The following FOXN2 variants were observed in gnomAD, a reference collection of about 807,000 sequenced individuals.
The protein encoded by FOXN2 is forkhead box protein N2.
FOXN2 carries 19 observed loss-of-function variants against 41.2 expected under a neutral mutation model. The ratio of observed to expected loss-of-function variants is 0.46; its 90% CI spans 0.32 to 0.68. FOXN2 has a LOEUF of 0.68. FOXN2 is among the 30% of genes least tolerant of loss of function. The probability of loss-of-function intolerance (pLI) is 0.03; values close to 1 mark genes in which losing one functional copy is unlikely to be tolerated. For missense variants in FOXN2, 587 were observed against 509.4 expected (o/e 1.15, Z -1.47); for synonymous variants, 195 against 176.8 (o/e 1.10, Z -0.82).
chr2:48,335,202 C>A (rs549701969), intron 2 of FOXN2, among the ~76,000 whole-genome samples: 56 of 152,100 alleles, frequency 3.7e-4, no homozygotes, highest in African/African-American at 1.2e-3. Flanking sequence ...AAAACAAATA[C>A]GTTTAATATG....
At chr2:48,357,583 C>T (rs769950021) in intron 3 of FOXN2, among the ~76,000 whole-genome samples, 11 of 151,318 alleles carry the variant, frequency 7.3e-5, no homozygotes, top group Non-Finnish European at 1.0e-4. Context: ...ACTATAGGCG[C>T]GCACCACCAC....
chr2:48,344,780 T>C (rs1480791250), intron 2 of FOXN2, among the ~76,000 whole-genome samples: 1 of 152,004 alleles, frequency 6.6e-6, no homozygotes, highest in East Asian at 1.9e-4. Flanking sequence ...AATTAGCCGG[T>C]TTTCAGAATT....
At chr2:48,321,394 G>T (rs2104089668) in intron 1 of FOXN2, among the ~76,000 whole-genome samples, 1 of 152,228 alleles carries the variant, frequency 6.6e-6, no homozygotes, top group East Asian at 1.9e-4. Flanking sequence ...AAATTAGGCG[G>T]GCGTGGTGGC....
At chr2:48,337,965 A>G (rs1670476714) in intron 2 of FOXN2, among the ~76,000 whole-genome samples, 2 of 152,194 alleles carry the variant, frequency 1.3e-5, no homozygotes, top group Admixed American at 1.3e-4. Context: ...GAAAATTTAA[A>G]CAGTGCGATT....
At chr2:48,314,447 C>G (rs947695336), upstream of FOXN2, among the ~76,000 whole-genome samples, 2 of 152,242 alleles carry the variant, frequency 1.3e-5, no homozygotes, top group African/African-American at 4.8e-5. Flanking sequence ...TGCATTTCAC[C>G]CCCACCCCAG....
chr2:48,328,107 C>G (rs985325690), intron 1 of FOXN2, among the ~76,000 whole-genome samples: 2 of 152,216 alleles, frequency 1.3e-5, no homozygotes, highest in East Asian at 1.9e-4. Context: ...ATATTCAAGG[C>G]ATTGAAATAT....
In FOXN2 at chr2:48,375,382, C is replaced by T; in HGVS notation, c.1235C>T (p.Thr412Ile). Reference sequence around the variant, plus strand: ...CTGCTCCACCTTGCTGGAATTCGTACATGTTTAGGTTCCCTAATAAGTACT... The same window carrying T: ...CTGCTCCACCTTGCTGGAATTCGTATATGTTTAGGTTCCCTAATAAGTACT... ...GSLLHLAGIR[T>I]CLGSLISTAK... The change falls in exon 7 of 7, where the codon ACA becomes ATA. Residue 412 changes from threonine to isoleucine, a missense_variant. Physicochemically the swap from Thr to Ile is moderately conservative, Grantham distance 89. Coordinates refer to ENST00000340553, the MANE Select transcript of FOXN2 (RefSeq NM_002158.4). 1.9e-6 allele frequency: 3 copies of T among 1,613,550 alleles called. No homozygotes were observed. The highest frequency in any genetic ancestry group is 2.5e-6 in the Non-Finnish European group (3 of 1,179,792).
At chr2:48,350,163 G>C (rs1671362297) in intron 3 of FOXN2, among the ~76,000 whole-genome samples, 1 of 152,164 alleles carries the variant, frequency 6.6e-6, no homozygotes, top group East Asian at 1.9e-4. Flanking sequence ...GCTAGTGGTT[G>C]GCATATTGAA....
chr2:48,321,910 A>G (rs763980757), intron 1 of FOXN2, among the ~76,000 whole-genome samples: 13 of 152,192 alleles, frequency 8.5e-5, no homozygotes, highest in Non-Finnish European at 1.5e-4. Flanking sequence ...CTGAGATAGA[A>G]CTGTAAGCAA....
chr2:48,370,739 T>G (rs977297665), intron 5 of FOXN2, among the ~76,000 whole-genome samples: 1 of 152,202 alleles, frequency 6.6e-6, no homozygotes, highest in Non-Finnish European at 1.5e-5. Flanking sequence ...GCATATATTT[T>G]ATTCATTCTG....
chr2:48,319,907 T>C (rs1669185004), intron 1 of FOXN2, among the ~76,000 whole-genome samples: 1 of 151,058 alleles, frequency 6.6e-6, no homozygotes, highest in African/African-American at 2.4e-5. Context: ...GCTGGGATTT[T>C]AGGCATGAGC....
intron 1 of FOXN2, among the ~76,000 whole-genome samples, chr2:48,327,086 C>T (rs879584288): frequency 3.9e-5 from 6 of 152,154 alleles, no homozygotes; most frequent in Admixed American, 3.9e-4. Flanking sequence ...AATTTATCTC[C>T]AGACCAGACC....
At chr2:48,334,134 G>GA (rs1002983565) in intron 2 of FOXN2, among the ~76,000 whole-genome samples, 247 of 150,936 alleles carry the variant, frequency 1.6e-3, no homozygotes, top group African/African-American at 2.9e-3. Flanking sequence ...CTCTTTTAAA[G>GA]AAAAAAAAAT....
At chr2:48,373,238 G>T in intron 5 of FOXN2, 54 bp from the exon 6 acceptor site, 1 of 1,286,460 alleles carries the variant, frequency 7.8e-7, no homozygotes, top group South Asian at 1.3e-5. Context: ...CAAATACTTA[G>T]AATAGCCTCT....
intron 2 of FOXN2, among the ~76,000 whole-genome samples, chr2:48,345,848 C>T (rs1248456532): frequency 1.3e-5 from 2 of 152,004 alleles, no homozygotes; most frequent in African/African-American, 4.8e-5. Flanking sequence ...TCTTATAGTT[C>T]AAAGAAATAG....
At chr2:48,315,099 G>T (rs866193201) in intron 1 of FOXN2, among the ~76,000 whole-genome samples, 16 of 152,010 alleles carry the variant, frequency 1.1e-4, no homozygotes, top group African/African-American at 2.9e-4. Flanking sequence ...GGTAATGACC[G>T]CCCGGGAGGG....
chr2:48,319,576 T>C (rs1669151897), intron 1 of FOXN2, among the ~76,000 whole-genome samples: 1 of 151,730 alleles, frequency 6.6e-6, no homozygotes, highest in Non-Finnish European at 1.5e-5. Context: ...ACACTTTAAA[T>C]TGTATAGCCC....
chr2:48,373,342 G>T lies in FOXN2; in HGVS notation c.754G>T (p.Glu252Ter). 6.3e-7 allele frequency: 1 copy of T among 1,580,184 alleles called. No homozygotes were observed. The highest frequency in any genetic ancestry group is 8.6e-7 in the Non-Finnish European group (1 of 1,166,936). Residue 252 changes from glutamate (E) to a stop codon, truncating the protein, a stop_gained, in exon 6 of 7, where the codon GAA becomes TAA. Transcript: ENST00000340553. LOFTEE classifies it high-confidence loss of function. The part of the protein sequence containing the change: ...AAMMLLNTSI[E>*]QGILECEKPL... ...AATGATGCTTTTAAATACTTCTATAGAACAAGGAATTTTAGAATGTAAGTA... is the reference window on the plus strand; with the variant it reads ...AATGATGCTTTTAAATACTTCTATATAACAAGGAATTTTAGAATGTAAGTA...
At chr2:48,359,443 A>G (rs1243385408) in intron 4 of FOXN2, among the ~76,000 whole-genome samples, 1 of 151,478 alleles carries the variant, frequency 6.6e-6, no homozygotes, top group Non-Finnish European at 1.5e-5. Flanking sequence ...ACAGGCAAGC[A>G]CCACCACTCC....
Sources: gnomAD v4.1 joint callset for allele counts (sites outside exome capture counted in the v4.1 genomes callset) on GRCh38, gnomAD v4.1.1 for gene constraint, MANE v1.5 for transcripts, NCBI Gene and HGNC (gene_info 2026-07-23, HGNC 2026-07-21) for gene names.